FHOD1: variants seen among roughly 807,000 people sequenced by gnomAD.
The protein encoded by FHOD1 is FH1/FH2 domain-containing protein 1.
FHOD1 carries 89 observed loss-of-function variants against 111.6 expected under a neutral mutation model. That is an observed-to-expected ratio of 0.80 (90% CI 0.67 to 0.95). The LOEUF (loss-of-function observed/expected upper bound fraction) is 0.95. Among genes scored for constraint, FHOD1 ranks in the 40% least tolerant of loss-of-function variants. FHOD1 has a pLI of 0.00. For missense variants in FHOD1, 1,446 were observed against 1,554.2 expected, an observed-to-expected ratio of 0.93 and a Z score of 1.17; for synonymous variants, 618 against 639.0, an observed-to-expected ratio of 0.97 and a Z score of 0.50.
At position 67,237,414 on chromosome 16, in the gene FHOD1, G is replaced by A; in HGVS notation, c.850-32C>T. On this transcript the variant is annotated intron_variant, in intron 8 of 21. Transcript: ENST00000258201. This position sits in a 1 kb window ranked among gnomAD's most constrained non-coding sequence, Gnocchi z 5.6. ...GGCGGGGATAAGAAGGCAAGGCTGA[G>A]GTTGGTGGGGAGGTCAGGAGCCTGA... 1.9e-6 allele frequency: 3 copies of A among 1,613,840 alleles called. No individual in the cohort carries two copies. Among genetic ancestry groups the A allele is most frequent in the South Asian group, 2.2e-5 (2 of 91,078 alleles).
chr16:67,230,334 G>A lies in FHOD1; in HGVS notation c.3031C>T (p.Arg1011Trp). 6.2e-6 allele frequency: 10 copies of A among 1,614,224 alleles called. No individual in the cohort carries two copies. The highest frequency in any genetic ancestry group is 2.2e-5 in the East Asian group (1 of 44,888). Residue 1011 changes from arginine to tryptophan, a missense_variant, in exon 19 of 22, where the codon CGG becomes TGG. Coordinates refer to ENST00000258201, the MANE Select transcript of FHOD1 (RefSeq NM_013241.3). The stretch of plus-strand genomic sequence containing the variant: ...CCCACCTCGGTGATCATGCGTCCCC[G>A]GGTCTTGTTGCGCTCACGGTATGTG... ...QATYRERNKT[R>W]GRMITETEKF...
Position 67,236,618 on chromosome 16 carries a change from G to A in FHOD1, c.1258C>T (p.Leu420Phe). The A allele has an allele frequency of 6.2e-7, 1 of 1,613,762 alleles. No homozygotes were observed. The highest frequency in any genetic ancestry group is 8.5e-7 in the Non-Finnish European group (1 of 1,179,904). Reference sequence around the variant, plus strand: ...GGTGCCACAGAGATGGTAGGAAAAAGGTTCACTGAAGCTTGGAGACCGGAG... The same window carrying A: ...GGTGCCACAGAGATGGTAGGAAAAAAGTTCACTGAAGCTTGGAGACCGGAG... ...PPSGLQASVN[L>F]FPTISVAPSA... The change falls in exon 11 of 22, where the codon CTT becomes TTT. Residue 420 changes from leucine (L) to phenylalanine (F), a missense_variant. Transcript: ENST00000258201.
chr16:67,230,190 G>T lies in FHOD1; in HGVS notation c.3090C>A (p.Ser1030Arg). ...TCACTGCTACTGGGACAGAGGGGTT[G>T]CTGGGGGCTTCCCCAGCCACACCTG... ...KFSGVAGEAPSNPSVPVAVSS... is the reference protein window; with the variant it reads ...KFSGVAGEAPRNPSVPVAVSS... Residue 1030 changes from serine (S) to arginine (R), a missense_variant, in exon 20 of 22, where the codon AGC becomes AGA. Coordinates refer to ENST00000258201, the MANE Select transcript of FHOD1 (RefSeq NM_013241.3). 1.2e-6 allele frequency: 2 copies of T among 1,614,004 alleles called. No individual in the cohort carries two copies. The highest frequency in any genetic ancestry group is 1.7e-6 in the Non-Finnish European group (2 of 1,179,910).
rs41280896 is a variant in FHOD1 at position 67,239,020 on chromosome 16, C to T, written c.309-53G>A. 3,156 of 1,577,342 alleles carry T rather than the reference C, an allele frequency of 2.0e-3. 2 individuals are homozygous for T. The highest frequency in any genetic ancestry group is 2.5e-3 in the Non-Finnish European group (2,876 of 1,147,674). ...TCCCAGCCTATCCCTCAGCATTCCT[C>T]CCCACAAGCCAAGGGAGCCAAAGAC... On this transcript the variant is annotated intron_variant, in intron 2 of 21. Coordinates refer to ENST00000258201, the MANE Select transcript of FHOD1 (RefSeq NM_013241.3).
intron 1 of FHOD1, among the ~76,000 whole-genome samples, chr16:67,241,776 T>A (rs2034674761): frequency 6.6e-6 from 1 of 152,196 alleles, no homozygotes; most frequent in Non-Finnish European, 1.5e-5. Flanking sequence ...ACCTGGTAAC[T>A]GCTTACACAC....
chr16:67,236,802 G>C, intron 10 of FHOD1, 69 bp from the exon 11 acceptor site: 1 of 842,404 alleles, frequency 1.2e-6, no homozygotes, highest in Non-Finnish European at 1.7e-6. Context: ...GTGGGGTGGG[G>C]CCTGCGGGGC....
chr16:67,238,295 G>T lies in FHOD1; in HGVS notation c.454C>A (p.Leu152Met), dbSNP rs1257478931. ...LKQIFQEDKD[L>M]VPEFVHSEGL... Reference sequence around the variant, plus strand: ...TCTGAATGCACAAATTCAGGCACCAGGTCTTTGTCCTCCTAGAGGCACCAT... The same window carrying T: ...TCTGAATGCACAAATTCAGGCACCATGTCTTTGTCCTCCTAGAGGCACCAT... Residue 152 changes from leucine (L) to methionine (M), a missense_variant, in exon 5 of 22, where the codon CTG becomes ATG. Coordinates refer to ENST00000258201, the MANE Select transcript of FHOD1 (RefSeq NM_013241.3). The surrounding 1 kb of genome is among the most constrained non-coding windows in gnomAD (Gnocchi z 4.2). 1 of 1,614,150 alleles carries T rather than the reference G, an allele frequency of 6.2e-7. No homozygotes were observed. The highest frequency in any genetic ancestry group is 8.5e-7 in the Non-Finnish European group (1 of 1,180,010).
chr16:67,238,605 G>T lies in FHOD1; in HGVS notation c.374-158C>A. On this transcript the variant is annotated intron_variant, in intron 3 of 21. Coordinates refer to ENST00000258201, the MANE Select transcript of FHOD1 (RefSeq NM_013241.3). The surrounding 1 kb of genome is among the most constrained non-coding windows in gnomAD (Gnocchi z 4.2). The stretch of plus-strand genomic sequence containing the variant: ...TGTCACTCAGGCTGGAGTGTGGAGT[G>T]CAGTGGCACAGTCATAGCTCACTGC... 1 of 759,052 alleles carries T rather than the reference G, an allele frequency of 1.3e-6. No individual in the cohort carries two copies. The highest frequency in any genetic ancestry group is 2.2e-6 in the Non-Finnish European group (1 of 446,752). The allele number at this position is 759,052 out of a possible 1,614,324, so 47.0% of individuals were successfully genotyped here. A position where few individuals can be genotyped will look rare whatever the true frequency, so the allele number is the denominator to read the frequency against.
chr16:67,231,128 C>A lies in FHOD1; in HGVS notation c.2667+60G>T. Reference sequence around the variant, plus strand: ...ATGGGGAGAAGGGGGAGGAGCCAGGCCCAGGAAGCAGCGCTCCTCATGCCT... The same window carrying A: ...ATGGGGAGAAGGGGGAGGAGCCAGGACCAGGAAGCAGCGCTCCTCATGCCT... On this transcript the variant is annotated intron_variant, in intron 17 of 21. Transcript: ENST00000258201. The surrounding 1 kb of genome is among the most constrained non-coding windows in gnomAD (Gnocchi z 4.3). 1 of 1,590,692 alleles carries A rather than the reference C, an allele frequency of 6.3e-7. No individual in the cohort carries two copies. The highest frequency in any genetic ancestry group is 2.2e-5 in the East Asian group (1 of 44,658).
At chr16:67,247,179 A>G in intron 1 of FHOD1, 31 bp downstream of exon 1, 1 of 1,493,156 alleles carries the variant, frequency 6.7e-7, no homozygotes, top group Non-Finnish European at 8.9e-7. Flanking sequence ...TGAACCCCCG[A>G]TCGCCCCAAC....
Position 67,236,957 on chromosome 16 carries a change from C to T in FHOD1, c.1142+9G>A. 3 of 1,573,162 alleles carry T rather than the reference C, an allele frequency of 1.9e-6. No individual in the cohort carries two copies. The highest frequency in any genetic ancestry group is 1.7e-6 in the Non-Finnish European group (2 of 1,161,520). On this transcript the variant is annotated intron_variant, in intron 10 of 21. Coordinates refer to ENST00000258201, the MANE Select transcript of FHOD1 (RefSeq NM_013241.3). ...CCACCCTTTCCCATCTACAGATGCT[C>T]GTACTTACCCAGGTTCCGGGGCACG... is the stretch of plus-strand genomic sequence containing the variant.
chr16:67,235,887 A>G, intron 11 of FHOD1: 1 of 226,328 alleles, frequency 4.4e-6, no homozygotes, highest in Non-Finnish European at 7.4e-6. Context: ...GAGGAGGCAT[A>G]TGTCTGGGAG....
rs150018904 is a variant in FHOD1 at position 67,229,875 on chromosome 16, A to G, written c.3330T>C (p.Leu1110=). Reference sequence around the variant, plus strand: ...TGCTCTTGGTCACTGACTGCACCAGAAGGTCCATGATCTCATCTGATGTAT... The same window carrying G: ...TGCTCTTGGTCACTGACTGCACCAGGAGGTCCATGATCTCATCTGATGTAT... ...PSDTSDEIMD[L]LVQSVTKSSP... Residue 1110 remains leucine, a synonymous_variant, in exon 21 of 22, where the codon CTT becomes CTC. Transcript: ENST00000258201. 1.4e-5 allele frequency: 22 copies of G among 1,614,190 alleles called. No individual in the cohort carries two copies. The African/African-American group carries it at 2.1e-4, about 16-fold the overall frequency.
rs748501826 is a variant in FHOD1, at chr16:67,238,355, C to G, written c.441+25G>C. ...TAGGGAAGCTTGGGCTACACACTTA[C>G]CCCCAGCCCACTGCGGGGCCTCACC... On this transcript the variant is annotated intron_variant, in intron 4 of 21. Transcript: ENST00000258201. This position sits in a 1 kb window ranked among gnomAD's most constrained non-coding sequence, Gnocchi z 4.2. 1 of 1,613,994 alleles carries G rather than the reference C, an allele frequency of 6.2e-7. No homozygotes were observed. Among genetic ancestry groups the G allele is most frequent in the Non-Finnish European group, 8.5e-7 (1 of 1,179,890 alleles).
At chr16:67,230,018 G>T (rs749120308) in intron 20 of FHOD1, 28 bp from the exon 21 acceptor site, 1 of 1,613,104 alleles carries the variant, frequency 6.2e-7, no homozygotes, top group Non-Finnish European at 8.5e-7. Context: ...GCAAAGTCAG[G>T]CCAAGGTGGC....
At position 67,237,805 on chromosome 16, in the gene FHOD1, G is replaced by T. The variant is rs746114239; in HGVS notation, c.643-37C>A. The T allele has an allele frequency of 2.5e-6, 4 of 1,570,942 alleles. No homozygotes were observed. In the African/African-American group the frequency reaches 5.4e-5, roughly 21 times the overall value. On this transcript the variant is annotated intron_variant, in intron 6 of 21. Coordinates refer to ENST00000258201, the MANE Select transcript of FHOD1 (RefSeq NM_013241.3). The surrounding 1 kb of genome is among the most constrained non-coding windows in gnomAD (Gnocchi z 5.6). Reference sequence around the variant, plus strand: ...GGTCAGTACATATGAGTGGGGCTTAGGCCAGACCTGTGCCAGCTGTTGCTG... The same window carrying T: ...GGTCAGTACATATGAGTGGGGCTTATGCCAGACCTGTGCCAGCTGTTGCTG...
At position 67,237,501 on chromosome 16, in the gene FHOD1, C is replaced by T. The variant is rs779140496; in HGVS notation, c.823G>A (p.Val275Met). 5 of 1,614,178 alleles carry T rather than the reference C, an allele frequency of 3.1e-6. No individual in the cohort carries two copies. The South Asian group carries it at 4.4e-5, about 14-fold the overall frequency. Residue 275 changes from valine (V) to methionine (M), a missense_variant, in exon 8 of 22, where the codon GTG (valine) becomes ATG (methionine). Physicochemically the swap from Val to Met is conservative, Grantham distance 21 (BLOSUM62 1). Coordinates refer to ENST00000258201, the MANE Select transcript of FHOD1 (RefSeq NM_013241.3). This position sits in a 1 kb window ranked among gnomAD's most constrained non-coding sequence, Gnocchi z 5.6. ...EKNGADPELL[V>M]YTVTLINKTL... ...TTGTTGATGAGGGTGACCGTGTACA[C>T]CAACAACTCAGGGTCAGCGCCATTC...
At chr16:67,236,365 A>G in intron 11 of FHOD1, 192 bp downstream of exon 11, 1 of 1,434,544 alleles carries the variant, frequency 7.0e-7, no homozygotes, top group Non-Finnish European at 9.1e-7. Context: ...CCACAGGAGG[A>G]GGAGATCCAG....
At chr16:67,243,455 C>T (rs777804279) in intron 1 of FHOD1, among the ~76,000 whole-genome samples, 163 of 152,186 alleles carry the variant, frequency 1.1e-3, no homozygotes, top group Non-Finnish European at 1.9e-3. Flanking sequence ...CTCAAGCAAT[C>T]CTCTGGCCTT....
Sources: allele counts gnomAD v4.1 joint callset (sites outside exome capture counted in the v4.1 genomes callset), GRCh38; gene constraint gnomAD v4.1.1; non-coding constraint Gnocchi (gnomAD v3.1); transcripts MANE v1.5; gene names NCBI Gene and HGNC (gene_info 2026-07-23, HGNC 2026-07-21).